GRM8: variants seen among roughly 807,000 people sequenced by gnomAD.
GRM8 encodes glutamate metabotropic receptor 8.
GRM8 carries 47 observed loss-of-function variants against 87.2 expected under a neutral mutation model. The ratio of observed to expected loss-of-function variants is 0.54; its 90% confidence interval spans 0.43 to 0.69. The LOEUF (loss-of-function observed/expected upper bound fraction) is 0.69, where lower values mean the gene tolerates loss of function less well. GRM8 is among the 30% of genes least tolerant of loss of function. The pLI is 0.00. For synonymous variants in GRM8, 396 were observed against 404.5 expected (o/e 0.98, Z 0.25); for missense variants, 1,019 against 1,139.2 (o/e 0.89, Z 1.52).
chr7:127,129,446 T>C (rs1022121874), intron 2 of GRM8, among the ~76,000 whole-genome samples: 4 of 152,342 alleles, frequency 2.6e-5, no homozygotes, highest in Admixed American at 2.6e-4. Flanking sequence ...CACTTTATTA[T>C]ATACTGAAAA....
chr7:126,847,092 T>C (rs1407519622), intron 6 of GRM8, among the ~76,000 whole-genome samples: 4 of 152,202 alleles, frequency 2.6e-5, no homozygotes, highest in African/African-American at 7.2e-5. Context: ...ATAAAATTGA[T>C]AGTATCTTTC....
At chr7:127,055,812 GA>G (rs111733090) in intron 3 of GRM8, among the ~76,000 whole-genome samples, 30 of 149,318 alleles carry the variant, frequency 2.0e-4, no homozygotes, top group African/African-American at 2.9e-4. Context: ...TCTCTAAGGG[GA>G]AAAAAAAAAG....
At chr7:126,883,101 C>T (rs1292182394) in intron 6 of GRM8, among the ~76,000 whole-genome samples, 1 of 152,160 alleles carries the variant, frequency 6.6e-6, no homozygotes, top group African/African-American at 2.4e-5. Flanking sequence ...TCTTAAGGGT[C>T]ATTTCTGATT....
chr7:126,893,181 A>G (rs1801230868), intron 6 of GRM8, among the ~76,000 whole-genome samples: 1 of 152,056 alleles, frequency 6.6e-6, no homozygotes, highest in African/African-American at 2.4e-5. Flanking sequence ...AAAACAAAAC[A>G]CTATGGAGTC....
rs545280451 is a variant in GRM8, at chr7:127,181,543, G to T, written c.510+61152C>A. On this transcript the variant is annotated intron_variant, in intron 2 of 10. Coordinates refer to ENST00000339582, the MANE Select transcript of GRM8 (RefSeq NM_000845.3). ...AAAAGAGCCCAAATAGCCAAAGCAA[G>T]ACTAAGCAAAAAGAATACATCTGGA... 5.3e-5 allele frequency among the ~76,000 whole-genome samples: 8 copies of T among 151,804 alleles called. No homozygotes were observed. In the South Asian group the frequency reaches 1.5e-3, roughly 28 times the overall value.
chr7:127,132,489 AACAG>A (rs1827740842), intron 2 of GRM8, among the ~76,000 whole-genome samples: 1 of 152,068 alleles, frequency 6.6e-6, no homozygotes, highest in African/African-American at 2.4e-5. Flanking sequence ...GACACAATAA[AACAG>A]ACATAGTTCA....
At chr7:127,068,427 G>A (rs1227940179) in intron 3 of GRM8, among the ~76,000 whole-genome samples, 1 of 152,136 alleles carries the variant, frequency 6.6e-6, no homozygotes, top group Middle Eastern at 3.2e-3. Context: ...ACCATTTGTG[G>A]ATGCATGGGA....
intron 7 of GRM8, among the ~76,000 whole-genome samples, chr7:126,745,378 A>G (rs576311478): frequency 9.4e-5 from 8 of 85,380 alleles, no homozygotes; most frequent in Non-Finnish European, 2.2e-4. Context: ...TGTTATTCAT[A>G]TTAAGACATA....
intron 2 of GRM8, among the ~76,000 whole-genome samples, chr7:127,133,703 C>A (rs1423425639): frequency 3.1e-5 from 2 of 64,134 alleles, no homozygotes; most frequent in Non-Finnish European, 5.7e-5. Flanking sequence ...AAGACTCCCT[C>A]TCCAAAAAAA....
intron 6 of GRM8, among the ~76,000 whole-genome samples, chr7:126,855,464 T>C (rs1406746883): frequency 1.4e-5 from 2 of 141,742 alleles, no homozygotes; most frequent in East Asian, 4.2e-4. Flanking sequence ...GCAGCCCTTA[T>C]GATTTATCTT....
chr7:126,444,483 T>G (rs886485536), intron 10 of GRM8, among the ~76,000 whole-genome samples: 3 of 152,092 alleles, frequency 2.0e-5, no homozygotes, highest in African/African-American at 7.2e-5. Context: ...TCTTGTAAGG[T>G]TCATTTCTCT....
intron 3 of GRM8, among the ~76,000 whole-genome samples, chr7:126,952,808 A>C (rs1449141502): frequency 6.6e-6 from 1 of 152,092 alleles, no homozygotes; most frequent in Non-Finnish European, 1.5e-5. Flanking sequence ...AAAGTTAAGG[A>C]AAGATGAGAA....
chr7:127,243,313 G>T lies in GRM8; in HGVS notation c.-109C>A. 1 of 959,042 alleles carries T rather than the reference G, an allele frequency of 1.0e-6. No homozygotes were observed. The highest frequency in any genetic ancestry group is 1.6e-6 in the Non-Finnish European group (1 of 644,030). 59.4% of individuals were successfully genotyped at this position (959,042 alleles called of 1,614,324 possible). The stretch of plus-strand genomic sequence containing the variant: ...CTGGAGGCTACCATCAGGGCCCATG[G>T]GGAAAAGGCTCTGTGGGCATTAGCA... On this transcript the variant is annotated 5_prime_UTR_variant, in exon 2 of 11. Coordinates refer to ENST00000339582, the MANE Select transcript of GRM8 (RefSeq NM_000845.3).
At chr7:127,153,183 A>T (rs1792515211) in intron 2 of GRM8, among the ~76,000 whole-genome samples, 1 of 152,116 alleles carries the variant, frequency 6.6e-6, no homozygotes, top group South Asian at 2.1e-4. Context: ...TGTGAAGCTC[A>T]TTTTTATTTA....
At chr7:126,506,181 T>C (rs1810437380) in intron 9 of GRM8, among the ~76,000 whole-genome samples, 1 of 152,068 alleles carries the variant, frequency 6.6e-6, no homozygotes, top group Non-Finnish European at 1.5e-5. Flanking sequence ...TCTTCTTTTT[T>C]AAGGCTGGAT....
chr7:126,955,245 C>T (rs1397098513), intron 3 of GRM8, among the ~76,000 whole-genome samples: 2 of 152,138 alleles, frequency 1.3e-5, no homozygotes, highest in African/African-American at 4.8e-5. Flanking sequence ...GCCTGGATAA[C>T]AGCCAATGTT....
chr7:127,072,195 T>C (rs1586916997), intron 3 of GRM8, among the ~76,000 whole-genome samples: 1 of 152,162 alleles, frequency 6.6e-6, no homozygotes, highest in East Asian at 1.9e-4. Context: ...CCAACTACCC[T>C]GTAGTCTCAG....
chr7:127,020,219 G>T (rs1014745978), intron 3 of GRM8, among the ~76,000 whole-genome samples: 9 of 152,076 alleles, frequency 5.9e-5, no homozygotes, highest in African/African-American at 2.2e-4. Flanking sequence ...TAATCACAAA[G>T]CTATGCTAGA....
intron 2 of GRM8, among the ~76,000 whole-genome samples, chr7:127,151,357 C>G (rs905455181): frequency 3.9e-5 from 6 of 152,068 alleles, no homozygotes; most frequent in Non-Finnish European, 5.9e-5. Context: ...AAATCTCCCA[C>G]TAGCAAAAAG....
Sources: gnomAD v4.1 joint callset for allele counts (sites outside exome capture counted in the v4.1 genomes callset) on GRCh38, gnomAD v4.1.1 for gene constraint, MANE v1.5 for transcripts, NCBI Gene and HGNC (gene_info 2026-07-23, HGNC 2026-07-21) for gene names.